The following CMIP variants were observed in gnomAD, a reference collection of about 807,000 sequenced individuals.
The protein encoded by CMIP is C-Maf-inducing protein.
Under a neutral mutation model 97.3 loss-of-function variants are expected in CMIP, and 13 were observed. The observed-to-expected ratio is 0.13, with a 90% CI of 0.09 to 0.21. The LOEUF is 0.21. CMIP is among the 10% of genes least tolerant of loss of function. The pLI, the probability that CMIP is intolerant of heterozygous loss-of-function variation, is 1.00. For synonymous variants in CMIP, 538 were observed against 436.3 expected (o/e 1.23, Z -2.91); for missense variants, 847 against 1,024.9 (o/e 0.83, Z 2.37).
intron 12 of CMIP, 34 bp downstream of exon 12, chr16:81,693,218 G>T: frequency 6.3e-7 from 1 of 1,596,988 alleles, no homozygotes; most frequent in African/African-American, 1.3e-5. Context: ...ATTCCATTCT[G>T]GCACGCACGG....
At chr16:81,540,686 T>TGTG (rs1555528338) in intron 1 of CMIP, among the ~76,000 whole-genome samples, 10 of 116,816 alleles carry the variant, frequency 8.6e-5, no homozygotes, top group Middle Eastern at 4.7e-3. Context: ...GTGTGTGTGT[T>TGTG]TGTTTTTGTT....
Position 81,672,023 on chromosome 16 carries a change from C to G in CMIP, c.987C>G (p.Ala329=). The G allele has an allele frequency of 6.2e-7, 1 of 1,606,388 alleles. No individual in the cohort carries two copies. Among genetic ancestry groups the G allele is most frequent in the Admixed American group, 1.7e-5 (1 of 59,200 alleles). Residue 329 remains alanine, a synonymous_variant, in exon 9 of 21, where the codon GCC becomes GCG. Transcript: ENST00000537098. ...CCCGGGTCCTGCCCAACCTGGTGGC[C>G]GTGTGCCTGGCTGCCATCTACTCCT... ...PHPRVLPNLV[A]VCLAAIYSCY...
At chr16:81,570,106 C>G (rs934431620) in intron 1 of CMIP, among the ~76,000 whole-genome samples, 5 of 152,296 alleles carry the variant, frequency 3.3e-5, no homozygotes, top group African/African-American at 1.2e-4. Flanking sequence ...ATGGCCTCAC[C>G]CCTTCTGCAG....
At chr16:81,552,202 C>T (rs1264283108) in intron 1 of CMIP, among the ~76,000 whole-genome samples, 1 of 152,150 alleles carries the variant, frequency 6.6e-6, no homozygotes, top group African/African-American at 2.4e-5. Flanking sequence ...GGAAGGAAGC[C>T]AGAACTCTGT....
Position 81,677,330 on chromosome 16 carries a change from C to A in CMIP, c.1035-945C>A, listed in dbSNP as rs1287288095. 2.0e-5 allele frequency among the ~76,000 whole-genome samples: 3 copies of A among 152,242 alleles called. No homozygotes were observed. The East Asian group carries it at 5.8e-4, about 29-fold the overall frequency. On this transcript the variant is annotated intron_variant, in intron 9 of 20. Coordinates refer to ENST00000537098, the MANE Select transcript of CMIP (RefSeq NM_198390.3). The stretch of plus-strand genomic sequence containing the variant: ...ATGGGCTGTTTAATTAGGGGTAGAT[C>A]ATTTAACTTCTGAGACCGTCTTTCC...
intron 1 of CMIP, among the ~76,000 whole-genome samples, chr16:81,535,536 G>A (rs1342395343): frequency 6.7e-6 from 1 of 149,532 alleles, no homozygotes; most frequent in East Asian, 2.0e-4. Flanking sequence ...AGAAAAAGCT[G>A]CATGAAGCTA....
At chr16:81,562,085 A>G (rs1245480116) in intron 1 of CMIP, among the ~76,000 whole-genome samples, 6 of 152,210 alleles carry the variant, frequency 3.9e-5, no homozygotes, top group Non-Finnish European at 5.9e-5. Context: ...TGTGCAAGGA[A>G]GGGAAGTGAG....
chr16:81,664,376 A>G (rs1299695044), intron 7 of CMIP, 27 bp downstream of exon 7: 1 of 1,568,832 alleles, frequency 6.4e-7, no homozygotes, highest in Non-Finnish European at 8.6e-7. Context: ...CAACACCCAG[A>G]CCCCAGCGCC....
intron 3 of CMIP, among the ~76,000 whole-genome samples, chr16:81,629,629 C>A (rs1408671616): frequency 1.3e-5 from 2 of 152,262 alleles, no homozygotes; most frequent in Admixed American, 6.5e-5. Flanking sequence ...TATGACCTTG[C>A]AGTTCTCCTC....
At chr16:81,461,182 C>T (rs1413801503) in intron 1 of CMIP, among the ~76,000 whole-genome samples, 1 of 152,200 alleles carries the variant, frequency 6.6e-6, no homozygotes, top group African/African-American at 2.4e-5. Flanking sequence ...TTTCCACTTC[C>T]TCCCATGTGG....
intron 7 of CMIP, among the ~76,000 whole-genome samples, chr16:81,667,797 A>AGTGTGTGTGTGTGT (rs1474036026): frequency 1.1e-4 from 7 of 64,968 alleles, no homozygotes; most frequent in East Asian, 6.9e-4. Flanking sequence ...AGAGAGAGAG[A>AGTGTGTGTGTGTGT]GAGTGTGTGT....
At chr16:81,689,975 T>C (rs890928420) in intron 10 of CMIP, among the ~76,000 whole-genome samples, 5 of 152,128 alleles carry the variant, frequency 3.3e-5, no homozygotes, top group Non-Finnish European at 2.9e-5. Context: ...AGATGTGTGG[T>C]ATTATTTCTG....
intron 1 of CMIP, among the ~76,000 whole-genome samples, chr16:81,497,612 C>G (rs376524145): frequency 6.6e-6 from 1 of 152,224 alleles, no homozygotes; most frequent in Non-Finnish European, 1.5e-5. Context: ...GCCCAGGCCT[C>G]GGCAGACTGG....
chr16:81,684,106 C>T (rs977949520), intron 10 of CMIP, among the ~76,000 whole-genome samples: 1 of 152,184 alleles, frequency 6.6e-6, no homozygotes, highest in African/African-American at 2.4e-5. Context: ...CATGATAACT[C>T]TAGAAACTCA....
chr16:81,502,921 A>G (rs1046452620), intron 1 of CMIP, among the ~76,000 whole-genome samples: 1 of 152,138 alleles, frequency 6.6e-6, no homozygotes, highest in African/African-American at 2.4e-5. Context: ...CCGGGTAATC[A>G]CTTTGTCTTT....
chr16:81,670,391 G>A (rs1029298265), intron 8 of CMIP, 146 bp downstream of exon 8: 24 of 818,840 alleles, frequency 2.9e-5, no homozygotes, highest in South Asian at 1.0e-4. Flanking sequence ...CACGGTGCCC[G>A]ATAGGAACTC....
rs2092468875 is a variant in CMIP at position 81,655,164 on chromosome 16, T to C, written c.640-2611T>C. 6.6e-6 allele frequency among the ~76,000 whole-genome samples: 1 copy of C among 151,994 alleles called. No homozygotes were observed. The highest frequency in any genetic ancestry group is 2.4e-5 in the African/African-American group (1 of 41,374). ...CCCCGTAAGCACCTTCAGCCAGGGGTCTGGAGCTAGTAGCTGGAAAAACAA... is the reference window on the plus strand; with the variant it reads ...CCCCGTAAGCACCTTCAGCCAGGGGCCTGGAGCTAGTAGCTGGAAAAACAA... On this transcript the variant is annotated intron_variant, in intron 4 of 20. Coordinates refer to ENST00000537098, the MANE Select transcript of CMIP (RefSeq NM_198390.3). This position sits in a 1 kb window ranked among gnomAD's most constrained non-coding sequence, Gnocchi z 4.9.
At chr16:81,457,274 C>G (rs1386928169) in intron 1 of CMIP, among the ~76,000 whole-genome samples, 1 of 152,026 alleles carries the variant, frequency 6.6e-6, no homozygotes, top group Non-Finnish European at 1.5e-5. Flanking sequence ...GCAGCCAGGT[C>G]GCCTTTGCCT....
chr16:81,696,128 G>C (rs1048442410), intron 13 of CMIP: 4 of 247,188 alleles, frequency 1.6e-5, no homozygotes, highest in African/African-American at 9.4e-5. Context: ...AGAGAGAGGA[G>C]GACAGAGAAC....
Sources: allele counts gnomAD v4.1 joint callset (sites outside exome capture counted in the v4.1 genomes callset), GRCh38; gene constraint gnomAD v4.1.1; non-coding constraint Gnocchi (gnomAD v3.1); transcripts MANE v1.5; gene names NCBI Gene and HGNC (gene_info 2026-07-23, HGNC 2026-07-21).